The following TMEM117 variants were observed in gnomAD, a reference collection of about 807,000 sequenced individuals.
TMEM117 encodes transmembrane protein 117.
In TMEM117, 27 loss-of-function variants were observed where a neutral mutation model predicts 52.4. That is an observed-to-expected ratio of 0.51 (90% CI 0.38 to 0.71). TMEM117 has a LOEUF of 0.71. TMEM117 is among the 30% of genes least tolerant of loss of function. TMEM117 has a pLI of 0.00. For missense variants in TMEM117, 556 were observed against 630.5 expected, an observed-to-expected ratio of 0.88 and a Z score of 1.26; for synonymous variants, 215 against 206.3, an observed-to-expected ratio of 1.04 and a Z score of -0.36.
chr12:44,094,060 A>T (rs1947716472), intron 3 of TMEM117, among the ~76,000 whole-genome samples: 1 of 152,144 alleles, frequency 6.6e-6, no homozygotes, highest in African/African-American at 2.4e-5. Flanking sequence ...TGTGTCCCTT[A>T]TGATGTATTA....
intron 5 of TMEM117, among the ~76,000 whole-genome samples, chr12:44,272,161 C>A (rs1950454489): frequency 6.6e-6 from 1 of 152,072 alleles, no homozygotes; most frequent in South Asian, 2.1e-4. Flanking sequence ...CATTTTGGAA[C>A]ACATTATGGA....
intron 4 of TMEM117, among the ~76,000 whole-genome samples, chr12:44,194,936 T>C (rs1592596675): frequency 6.6e-6 from 1 of 152,232 alleles, no homozygotes; most frequent in African/African-American, 2.4e-5. Flanking sequence ...ACAATTAATG[T>C]AATTTTTCTG....
intron 3 of TMEM117, among the ~76,000 whole-genome samples, chr12:44,131,594 T>C (rs867070619): frequency 5.3e-5 from 8 of 152,286 alleles, no homozygotes; most frequent in South Asian, 4.1e-4. Flanking sequence ...TATTTCACAT[T>C]TTCTATGGGA....
chr12:44,360,516 G>A (rs1345270518), intron 6 of TMEM117, among the ~76,000 whole-genome samples: 1 of 150,126 alleles, frequency 6.7e-6, no homozygotes, highest in Non-Finnish European at 1.5e-5. Context: ...GCAGTGAGTC[G>A]AGATCACACC....
intron 3 of TMEM117, among the ~76,000 whole-genome samples, chr12:43,960,998 T>C (rs1945393678): frequency 1.3e-5 from 2 of 152,144 alleles, no homozygotes; most frequent in African/African-American, 4.8e-5. Flanking sequence ...TGTGATATAA[T>C]AGAAACAGCA....
intron 3 of TMEM117, among the ~76,000 whole-genome samples, chr12:44,107,178 T>G (rs1947970615): frequency 6.6e-6 from 1 of 152,122 alleles, no homozygotes; most frequent in Non-Finnish European, 1.5e-5. Flanking sequence ...ATCATCAATT[T>G]CTACTGTAAA....
At chr12:44,242,462 C>G (rs1285480135) in intron 5 of TMEM117, among the ~76,000 whole-genome samples, 1 of 151,826 alleles carries the variant, frequency 6.6e-6, no homozygotes, top group Non-Finnish European at 1.5e-5. Flanking sequence ...CTGCAAAGGA[C>G]ATGATCTCAT....
intron 2 of TMEM117, among the ~76,000 whole-genome samples, chr12:43,915,955 C>T (rs900426682): frequency 1.3e-5 from 2 of 152,162 alleles, no homozygotes; most frequent in Non-Finnish European, 2.9e-5. Context: ...ACTCTAACAA[C>T]TCTCTTGTCT....
At chr12:44,254,629 C>T (rs183287333) in intron 5 of TMEM117, among the ~76,000 whole-genome samples, 1 of 151,198 alleles carries the variant, frequency 6.6e-6, no homozygotes, top group African/African-American at 2.4e-5. Flanking sequence ...CTTCTAGGGG[C>T]GAGTCTTAAG....
intron 6 of TMEM117, among the ~76,000 whole-genome samples, chr12:44,337,369 C>A (rs1384329474): frequency 2.0e-5 from 3 of 151,982 alleles, no homozygotes; most frequent in South Asian, 4.1e-4. Flanking sequence ...ATGACTTAAT[C>A]ACCTCCTAAA....
chr12:44,378,993 A>G (rs1403606427), intron 7 of TMEM117, among the ~76,000 whole-genome samples: 1 of 152,100 alleles, frequency 6.6e-6, no homozygotes, highest in African/African-American at 2.4e-5. Context: ...AAATATTAAT[A>G]AAATAAGGGG....
At chr12:43,957,993 G>T (rs1945336106) in intron 3 of TMEM117, among the ~76,000 whole-genome samples, 1 of 152,184 alleles carries the variant, frequency 6.6e-6, no homozygotes, top group Non-Finnish European at 1.5e-5. Flanking sequence ...CACAGGAAAA[G>T]AAGGGTATCT....
intron 3 of TMEM117, among the ~76,000 whole-genome samples, chr12:43,944,636 G>T (rs369256648): frequency 2.6e-5 from 4 of 152,094 alleles, no homozygotes; most frequent in African/African-American, 9.7e-5. Context: ...TGAGAATCAG[G>T]AAATCTTATT....
intron 3 of TMEM117, among the ~76,000 whole-genome samples, chr12:44,002,300 C>T (rs1420643185): frequency 1.3e-5 from 2 of 152,162 alleles, no homozygotes; most frequent in African/African-American, 4.8e-5. Context: ...TTTATGGAAG[C>T]TGAGGGCCTC....
chr12:44,139,501 T>C (rs111754120), intron 3 of TMEM117, among the ~76,000 whole-genome samples: 4,635 of 152,146 alleles, frequency 0.03, 157 homozygotes, highest in African/African-American at 0.083. Flanking sequence ...ACGTTTGTTA[T>C]GGATTTGATG....
chr12:44,245,057 T>G (rs1051791701), intron 5 of TMEM117, among the ~76,000 whole-genome samples: 4 of 152,112 alleles, frequency 2.6e-5, no homozygotes, highest in Non-Finnish European at 5.9e-5. Flanking sequence ...GTGTGTCTAT[T>G]TTATGTTAGT....
chr12:44,121,615 T>C (rs767046671), intron 3 of TMEM117, among the ~76,000 whole-genome samples: 7 of 152,114 alleles, frequency 4.6e-5, no homozygotes, highest in Non-Finnish European at 1.5e-5. Flanking sequence ...TATTAATTAT[T>C]TATGTTATCG....
At chr12:44,143,717 A>G in intron 4 of TMEM117, 93 bp downstream of exon 4, 3 of 822,354 alleles carry the variant, frequency 3.6e-6, no homozygotes, top group Non-Finnish European at 5.7e-6. Flanking sequence ...TGTAGAGTAA[A>G]ATAATTACCT....
chr12:44,216,424 G>A (rs1353437275), intron 5 of TMEM117, among the ~76,000 whole-genome samples: 1 of 152,142 alleles, frequency 6.6e-6, no homozygotes, highest in African/African-American at 2.4e-5. Context: ...CTGCAGACTT[G>A]TAGTTTGAGT....
Sources: allele counts gnomAD v4.1 joint callset (sites outside exome capture counted in the v4.1 genomes callset), GRCh38; gene constraint gnomAD v4.1.1; transcripts MANE v1.5; gene names NCBI Gene and HGNC (gene_info 2026-07-23, HGNC 2026-07-21).